The following CEP290 variants were observed in gnomAD, a reference collection of about 807,000 sequenced individuals.
CEP290 encodes centrosomal protein 290, also known as centrosomal protein of 290 kDa.
A neutral mutation model predicts 344.9 loss-of-function variants in CEP290; 317 were observed. That is an observed-to-expected ratio of 0.92 (90% CI 0.84 to 1.01). CEP290 has a LOEUF of 1.01. CEP290 is among the 50% of genes least tolerant of loss of function. CEP290 has a pLI of 0.00. For missense variants in CEP290, 2,754 were observed against 2,761.4 expected (o/e 1.00, Z 0.06); for synonymous variants, 932 against 895.8 (o/e 1.04, Z -0.72).
chr12:88,083,300 T>A, intron 36 of CEP290, 70 bp from the exon 37 acceptor site: 1 of 886,142 alleles, frequency 1.1e-6, no homozygotes, highest in Non-Finnish European at 1.6e-6. Flanking sequence ...TATTTTTAAT[T>A]TGGTTCCTCA....
chr12:88,138,344 C>T (rs2040454762), intron 5 of CEP290, among the ~76,000 whole-genome samples: 1 of 152,176 alleles, frequency 6.6e-6, no homozygotes, highest in Admixed American at 6.5e-5. Flanking sequence ...AGAACTGATC[C>T]AACTCCATAA....
At chr12:88,129,145 CAT>C (rs2039913013) in intron 10 of CEP290, 110 bp from the exon 11 acceptor site, 5 of 344,214 alleles carry the variant, frequency 1.5e-5, no homozygotes, top group Non-Finnish European at 1.8e-5. Context: ...CATACACACA[CAT>C]ACGTATTCAT....
At chr12:88,132,278 T>C (rs1165120367) in intron 6 of CEP290, among the ~76,000 whole-genome samples, 2 of 152,170 alleles carry the variant, frequency 1.3e-5, no homozygotes, top group Non-Finnish European at 2.9e-5. Flanking sequence ...TTCTCCTCTT[T>C]ATTAAAGGAG....
chr12:88,137,561 A>G (rs1216628148), intron 5 of CEP290, among the ~76,000 whole-genome samples: 1 of 152,116 alleles, frequency 6.6e-6, no homozygotes, highest in Admixed American at 6.5e-5. Context: ...ACCTTAACCA[A>G]ATTGTTCTTA....
At position 88,056,722 on chromosome 12, in the gene CEP290, C is replaced by T. The variant is rs528764774; in HGVS notation, c.6819-1005G>A. 5.9e-5 allele frequency among the ~76,000 whole-genome samples: 9 copies of T among 152,228 alleles called. No individual in the cohort carries two copies. In the South Asian group the frequency reaches 1.0e-3, roughly 18 times the overall value. On this transcript the variant is annotated intron_variant, in intron 49 of 53. Transcript: ENST00000552810. ...TCAGGAAAAGGCCTGACATAGAATACGTGTTACTAAGTTTGTTGAATAAAT... is the reference window on the plus strand; with the variant it reads ...TCAGGAAAAGGCCTGACATAGAATATGTGTTACTAAGTTTGTTGAATAAAT...
At chr12:88,095,230 A>G (rs922709929) in intron 27 of CEP290, among the ~76,000 whole-genome samples, 1 of 152,222 alleles carries the variant, frequency 6.6e-6, no homozygotes, top group African/African-American at 2.4e-5. Context: ...AGGCTGAAGC[A>G]GACTAGCCAT....
chr12:88,080,064 A>G, intron 38 of CEP290, 118 bp downstream of exon 38: 1 of 705,344 alleles, frequency 1.4e-6, no homozygotes, highest in Non-Finnish European at 2.3e-6. Flanking sequence ...TAAAGCTCAT[A>G]CTTTTTATTA....
chr12:88,124,420 G>A (rs1592653620), intron 13 of CEP290, among the ~76,000 whole-genome samples: 1 of 152,030 alleles, frequency 6.6e-6, no homozygotes, highest in Admixed American at 6.6e-5. Context: ...ATTATCTCCT[G>A]AGCAAGGCTT....
chr12:88,059,773 A>C, intron 48 of CEP290, 125 bp downstream of exon 48: 1 of 749,120 alleles, frequency 1.3e-6, no homozygotes. Context: ...GCATAGAAAC[A>C]CAATTCCTCA....
chr12:88,079,262 T>C (rs767235503), intron 38 of CEP290, 33 bp from the exon 39 acceptor site: 2 of 1,530,114 alleles, frequency 1.3e-6, no homozygotes, highest in Non-Finnish European at 1.8e-6. Context: ...ATGTAATTTT[T>C]AAAGGAAAAC....
intron 26 of CEP290, 71 bp downstream of exon 26, chr12:88,102,767 A>G (rs1485758367): frequency 2.3e-6 from 3 of 1,296,828 alleles, no homozygotes; most frequent in African/African-American, 3.0e-5. Flanking sequence ...AATCTGCCAA[A>G]TCCCCCCAAA....
chr12:88,061,079 T>C, intron 46 of CEP290, 85 bp from the exon 47 acceptor site: 1 of 920,042 alleles, frequency 1.1e-6, no homozygotes, highest in Non-Finnish European at 1.5e-6. Flanking sequence ...CTTATTATAC[T>C]CAATAATTCC....
At chr12:88,067,201 T>C (rs1027892860) in intron 44 of CEP290, among the ~76,000 whole-genome samples, 1 of 147,358 alleles carries the variant, frequency 6.8e-6, no homozygotes, top group Non-Finnish European at 1.5e-5. Context: ...TAACATTAAG[T>C]GAACACCAAT....
chr12:88,105,720 TTTC>T (rs10670716), intron 25 of CEP290, among the ~76,000 whole-genome samples: 16 of 151,842 alleles, frequency 1.1e-4, no homozygotes, highest in South Asian at 8.3e-4. Flanking sequence ...ATGGTTATCT[TTTC>T]TTCTTCTTCT....
chr12:88,115,664 T>A lies in CEP290; in HGVS notation c.1825-482A>T. 4 of 1,011,420 alleles carry A rather than the reference T, an allele frequency of 4.0e-6. No homozygotes were observed. The East Asian group carries it at 2.0e-4, about 50-fold the overall frequency. 62.7% of individuals were successfully genotyped at this position (1,011,420 alleles called of 1,614,324 possible). A position where few individuals can be genotyped will look rare whatever the true frequency, so the allele number is the denominator to read the frequency against. ...AAAAGTACAATGTGTATAACTGATGTTAAAGTGCAAACAAAAATATTCTAA... is the reference window on the plus strand; with the variant it reads ...AAAAGTACAATGTGTATAACTGATGATAAAGTGCAAACAAAAATATTCTAA... On this transcript the variant is annotated intron_variant, in intron 18 of 53. Transcript: ENST00000552810.
chr12:88,049,399 G>T lies in CEP290; in HGVS notation c.7225C>A (p.Leu2409Met). Residue 2409 changes from leucine (L) to methionine (M), a missense_variant, in exon 54 of 54, where the codon CTG (leucine) becomes ATG (methionine). Physicochemically the swap from Leu to Met is conservative, Grantham distance 15 (BLOSUM62 2). Coordinates refer to ENST00000552810, the MANE Select transcript of CEP290 (RefSeq NM_025114.4). ...TCAAAATTTTCCAGTTCTTTTTTCA[G>T]CTTCTTTATTTCCTCCTAATGGAAA... ...KQHLKEEIKK[L>M]KKELENFDPS... 2 of 1,476,172 alleles carry T rather than the reference G, an allele frequency of 1.4e-6. No homozygotes were observed. The highest frequency in any genetic ancestry group is 1.3e-5 in the South Asian group (1 of 79,932). 91.4% of individuals were successfully genotyped at this position (1,476,172 alleles called of 1,614,324 possible). A position where few individuals can be genotyped will look rare whatever the true frequency, so the allele number is the denominator to read the frequency against.
intron 27 of CEP290, among the ~76,000 whole-genome samples, chr12:88,095,734 G>A (rs1241811156): frequency 5.3e-5 from 8 of 152,078 alleles, no homozygotes; most frequent in Non-Finnish European, 8.8e-5. Flanking sequence ...TAGCTCTAAC[G>A]TCTAGGAAAC....
chr12:88,059,786 C>T, intron 48 of CEP290, 112 bp downstream of exon 48: 1 of 823,560 alleles, frequency 1.2e-6, no homozygotes, highest in South Asian at 2.3e-5. Flanking sequence ...ATTCCTCAAT[C>T]TCTTAATATC....
chr12:88,099,042 A>G (rs1245901712), intron 26 of CEP290, among the ~76,000 whole-genome samples: 1 of 152,220 alleles, frequency 6.6e-6, no homozygotes, highest in Non-Finnish European at 1.5e-5. Flanking sequence ...GTTTTAAACA[A>G]TCATTCTGGC....
Sources: allele counts gnomAD v4.1 joint callset (sites outside exome capture counted in the v4.1 genomes callset), GRCh38; gene constraint gnomAD v4.1.1; transcripts MANE v1.5; gene names NCBI Gene and HGNC (gene_info 2026-07-23, HGNC 2026-07-21).